The following SPAG1 variants were observed in gnomAD, a reference collection of about 807,000 sequenced individuals.
SPAG1 encodes the protein sperm-associated antigen 1.
A neutral mutation model predicts 100.5 loss-of-function variants in SPAG1; 69 were observed. The observed-to-expected ratio is 0.69, with a 90% CI of 0.57 to 0.84. SPAG1 has a LOEUF of 0.84. SPAG1 is among the 40% of genes least tolerant of loss of function. The pLI is 0.00. For missense variants in SPAG1, 955 were observed against 1,133.1 expected (o/e 0.84, Z 2.26); for synonymous variants, 336 against 411.6 (o/e 0.82, Z 2.22).
At chr8:100,184,303 A>G (rs1488347034) in intron 6 of SPAG1, among the ~76,000 whole-genome samples, 1 of 152,066 alleles carries the variant, frequency 6.6e-6, no homozygotes, top group Non-Finnish European at 1.5e-5. Context: ...TTTGTTTTTA[A>G]TTCCTTTTTT....
At chr8:100,225,148 C>T (rs746521679) in intron 13 of SPAG1, 25 bp from the exon 14 acceptor site, 177 of 1,579,566 alleles carry the variant, frequency 1.1e-4, no homozygotes, top group Non-Finnish European at 1.4e-4. Context: ...AAATGATCAA[C>T]AGAGAAAATT....
At chr8:100,158,069 A>G (rs1017929492), upstream of SPAG1, 1 of 152,430 alleles carries the variant, frequency 6.6e-6, no homozygotes, top group Admixed American at 6.5e-5. Context: ...CAGTGCAGCC[A>G]GAGCCGGTGC....
intron 12 of SPAG1, among the ~76,000 whole-genome samples, chr8:100,218,351 T>C (rs1339227034): frequency 6.6e-6 from 1 of 152,212 alleles, no homozygotes; most frequent in Admixed American, 6.5e-5. Flanking sequence ...CAGCATCTCA[T>C]CAGTTTTAGA....
At chr8:100,170,446 A>C (rs1815764727) in intron 3 of SPAG1, among the ~76,000 whole-genome samples, 1 of 152,146 alleles carries the variant, frequency 6.6e-6, no homozygotes, top group African/African-American at 2.4e-5. Context: ...AGTAGTGTTA[A>C]GCATATTCAC....
At chr8:100,227,282 A>G (rs962738187) in intron 14 of SPAG1, among the ~76,000 whole-genome samples, 1 of 152,216 alleles carries the variant, frequency 6.6e-6, no homozygotes, top group Non-Finnish European at 1.5e-5. Flanking sequence ...GTAAGCATTT[A>G]ATAAATGTGA....
rs1819133915 is a variant in SPAG1, at chr8:100,239,047, T to C, written c.2116-193T>C. Among the ~76,000 whole-genome samples the C allele has an allele frequency of 2.0e-5, 3 of 152,182 alleles. No homozygotes were observed. Among genetic ancestry groups the C allele is most frequent in the African/African-American group, 7.2e-5 (3 of 41,444 alleles). ...AGATCCTGTGCTTTTTCTTCTATAG[T>C]CGATGTTCACTGTATCATGGGTTAT... On this transcript the variant is annotated intron_variant, in intron 16 of 18. Coordinates refer to ENST00000388798, the MANE Select transcript of SPAG1 (RefSeq NM_003114.5). This position sits in a 1 kb window ranked among gnomAD's most constrained non-coding sequence, Gnocchi z 5.0.
In SPAG1 at chr8:100,220,443, G is replaced by A; in HGVS notation, c.1688+12G>A. The A allele has an allele frequency of 6.2e-7, 1 of 1,600,260 alleles. No homozygotes were observed. Among genetic ancestry groups the A allele is most frequent in the Non-Finnish European group, 8.5e-7 (1 of 1,175,048 alleles). On this transcript the variant is annotated intron_variant, in intron 13 of 18. Transcript: ENST00000388798. ...GACAGTGTTAACAGGTAATTAATCTGAGGCAGCTACCTAAAATCTAGTTGT... is the reference window on the plus strand; with the variant it reads ...GACAGTGTTAACAGGTAATTAATCTAAGGCAGCTACCTAAAATCTAGTTGT...
At chr8:100,205,159 G>C (rs757432852) in intron 10 of SPAG1, among the ~76,000 whole-genome samples, 2 of 152,152 alleles carry the variant, frequency 1.3e-5, no homozygotes, top group African/African-American at 2.4e-5. Flanking sequence ...CCAGACTTGA[G>C]CCAGTTTGCA....
chr8:100,225,135 AC>A (rs774072248), intron 13 of SPAG1, 37 bp from the exon 14 acceptor site: 2 of 1,562,442 alleles, frequency 1.3e-6, no homozygotes, highest in East Asian at 4.5e-5. Context: ...TAAAAAGCAA[AC>A]TAAATGATCA....
At chr8:100,203,425 A>T (rs1340780127) in intron 10 of SPAG1, among the ~76,000 whole-genome samples, 2 of 152,190 alleles carry the variant, frequency 1.3e-5, no homozygotes, top group East Asian at 3.8e-4. Context: ...ACAGACTATT[A>T]AGGATGCAGT....
At chr8:100,170,637 G>C (rs140869669) in intron 3 of SPAG1, among the ~76,000 whole-genome samples, 1 of 151,892 alleles carries the variant, frequency 6.6e-6, no homozygotes, top group Non-Finnish European at 1.5e-5. Flanking sequence ...AATTATACAA[G>C]TTTGTATTTA....
chr8:100,198,384 G>A (rs1817124150), intron 10 of SPAG1, among the ~76,000 whole-genome samples: 1 of 152,066 alleles, frequency 6.6e-6, no homozygotes. Context: ...AGGAAAGATG[G>A]CAAAGGGTTG....
chr8:100,169,055 T>C (rs1301061097), intron 3 of SPAG1, among the ~76,000 whole-genome samples: 1 of 152,126 alleles, frequency 6.6e-6, no homozygotes, highest in African/African-American at 2.4e-5. Flanking sequence ...AATCTTTTTT[T>C]TATTGTTTGG....
intron 16 of SPAG1, among the ~76,000 whole-genome samples, chr8:100,234,359 TA>T (rs34951243): frequency 1.2e-4 from 18 of 151,198 alleles, no homozygotes; most frequent in Non-Finnish European, 2.1e-4. Flanking sequence ...TGGTGTGTGC[TA>T]AAAAAAAATA....
At chr8:100,182,914 C>T (rs544305274) in intron 4 of SPAG1, among the ~76,000 whole-genome samples, 5 of 152,194 alleles carry the variant, frequency 3.3e-5, no homozygotes, top group African/African-American at 1.2e-4. Flanking sequence ...AACTGTAATA[C>T]TGAAGTTATT....
At chr8:100,232,848 C>G (rs1563814619) in intron 15 of SPAG1, among the ~76,000 whole-genome samples, 1 of 152,212 alleles carries the variant, frequency 6.6e-6, no homozygotes, top group Non-Finnish European at 1.5e-5. Flanking sequence ...CCTGCCTGCT[C>G]TTCCAGCCTC....
intron 14 of SPAG1, 88 bp from the exon 15 acceptor site, chr8:100,231,068 C>T: frequency 1.7e-6 from 2 of 1,183,214 alleles, no homozygotes; most frequent in South Asian, 2.2e-5. Flanking sequence ...AGTTAATTTG[C>T]AATAGAAGAT....
Position 100,240,973 on chromosome 8 carries a change from A to C in SPAG1, c.2732A>C (p.His911Pro). The part of the protein sequence containing the change: ...FEDLSDTPNN[H>P]FTLEDIQALK... Reference sequence around the variant, plus strand: ...GACCTTTCGGACACACCAAACAACCATTTTACTTTAGAAGATATACAGGCC... The same window carrying C: ...GACCTTTCGGACACACCAAACAACCCTTTTACTTTAGAAGATATACAGGCC... The change falls in exon 19 of 19, where the codon CAT (histidine) becomes CCT (proline). Residue 911 changes from histidine to proline, a missense_variant. Transcript: ENST00000388798. The C allele has an allele frequency of 6.2e-7, 1 of 1,613,338 alleles. No individual in the cohort carries two copies. The highest frequency in any genetic ancestry group is 1.7e-5 in the Admixed American group (1 of 59,936).
intron 1 of SPAG1, among the ~76,000 whole-genome samples, chr8:100,159,687 C>T (rs1490513445): frequency 6.6e-6 from 1 of 152,074 alleles, no homozygotes; most frequent in Non-Finnish European, 1.5e-5. Context: ...TTGTATAAAG[C>T]AATATTTACT....
Sources: gnomAD v4.1 joint callset for allele counts (sites outside exome capture counted in the v4.1 genomes callset) on GRCh38, gnomAD v4.1.1 for gene constraint, Gnocchi (gnomAD v3.1) non-coding constraint, MANE v1.5 for transcripts, NCBI Gene and HGNC (gene_info 2026-07-23, HGNC 2026-07-21) for gene names.